The following NCOA3 variants were observed in gnomAD, a reference collection of about 807,000 sequenced individuals.
The protein encoded by NCOA3 is CBP-interacting protein.
A neutral mutation model predicts 158.8 loss-of-function variants in NCOA3; 51 were observed. That is an observed-to-expected ratio of 0.32 (90% CI 0.26 to 0.41). NCOA3 has a LOEUF of 0.41. NCOA3 is among the 10% of genes least tolerant of loss of function. The pLI is 1.00. For synonymous variants in NCOA3, 537 were observed against 592.4 expected (o/e 0.91, Z 1.36); for missense variants, 1,510 against 1,746.6 (o/e 0.86, Z 2.41).
chr20:47,516,055 A>G (rs1403772342), intron 1 of NCOA3, among the ~76,000 whole-genome samples: 1 of 152,226 alleles, frequency 6.6e-6, no homozygotes, highest in Non-Finnish European at 1.5e-5. Flanking sequence ...ATGAGTAGAC[A>G]GAGCACAGTA....
chr20:47,573,404 AAAAC>A (rs201319566), intron 1 of NCOA3, among the ~76,000 whole-genome samples: 3,650 of 148,596 alleles, frequency 0.025, 171 homozygotes, highest in African/African-American at 0.089. Context: ...TTGTCTCCAA[AAAAC>A]AAACAAACAA....
At chr20:47,552,350 T>C (rs975814521) in intron 1 of NCOA3, among the ~76,000 whole-genome samples, 32 of 152,188 alleles carry the variant, frequency 2.1e-4, no homozygotes, top group Admixed American at 1.5e-3. Context: ...CTTTAAAAAA[T>C]GCAGCAGCGT....
chr20:47,503,973 A>T (rs566620507), intron 1 of NCOA3, among the ~76,000 whole-genome samples: 1 of 152,330 alleles, frequency 6.6e-6, no homozygotes, highest in South Asian at 2.1e-4. Flanking sequence ...CTTTTGGCAT[A>T]TAGAAGATGG....
At chr20:47,503,193 A>C (rs1490831044) in intron 1 of NCOA3, among the ~76,000 whole-genome samples, 1 of 152,154 alleles carries the variant, frequency 6.6e-6, no homozygotes, top group East Asian at 1.9e-4. Flanking sequence ...CCTCGGATCC[A>C]CCTAACTGAT....
At chr20:47,569,838 G>A (rs1200982261) in intron 1 of NCOA3, among the ~76,000 whole-genome samples, 3 of 151,634 alleles carry the variant, frequency 2.0e-5, no homozygotes, top group Admixed American at 6.6e-5. Flanking sequence ...GTGAAACCCC[G>A]TCTCTACTAA....
chr20:47,529,336 C>G (rs931424544), intron 1 of NCOA3, among the ~76,000 whole-genome samples: 2 of 151,930 alleles, frequency 1.3e-5, no homozygotes, highest in African/African-American at 4.8e-5. Flanking sequence ...CCAGGCTGGT[C>G]TCTAACTCCT....
chr20:47,573,621 A>G (rs1434970228), intron 1 of NCOA3, among the ~76,000 whole-genome samples: 1 of 152,228 alleles, frequency 6.6e-6, no homozygotes, highest in Non-Finnish European at 1.5e-5. Context: ...GTAAAGCACA[A>G]TAAAATGAGG....
At chr20:47,538,631 G>A (rs1276837025) in intron 1 of NCOA3, among the ~76,000 whole-genome samples, 9 of 151,792 alleles carry the variant, frequency 5.9e-5, no homozygotes, top group Non-Finnish European at 1.0e-4. Flanking sequence ...TCTGCCTCCC[G>A]GGTTCAAGTA....
intron 2 of NCOA3, among the ~76,000 whole-genome samples, chr20:47,621,048 C>T (rs958748638): frequency 6.6e-6 from 1 of 152,058 alleles, no homozygotes; most frequent in African/African-American, 2.4e-5. Context: ...TTTTTCTGTC[C>T]TTCATTTAAA....
Position 47,593,374 on chromosome 20 carries a change from G to A in NCOA3, c.-20+10113G>A, listed in dbSNP as rs138885577. 5.7e-4 allele frequency among the ~76,000 whole-genome samples: 60 copies of A among 104,664 alleles called. No homozygotes were observed. In the East Asian group the frequency reaches 0.011, roughly 19 times the overall value. 68.7% of individuals were successfully genotyped at this position (104,664 alleles called of 152,430 possible). On this transcript the variant is annotated intron_variant, in intron 2 of 22. Transcript: ENST00000371998. Reference sequence around the variant, plus strand: ...TTTTTTTTTTTTTTGAGACAGTCTCGCTCTGTTGCCCAGGCTGGAGTGCAG... The same window carrying A: ...TTTTTTTTTTTTTTGAGACAGTCTCACTCTGTTGCCCAGGCTGGAGTGCAG...
intron 2 of NCOA3, among the ~76,000 whole-genome samples, chr20:47,602,187 C>A (rs932675197): frequency 6.6e-6 from 1 of 152,144 alleles, no homozygotes; most frequent in Admixed American, 6.5e-5. Context: ...TTCCAGATAG[C>A]CCTTTTGTTA....
chr20:47,578,912 G>A (rs1302058050), intron 1 of NCOA3, among the ~76,000 whole-genome samples: 1 of 152,146 alleles, frequency 6.6e-6, no homozygotes, highest in Non-Finnish European at 1.5e-5. Flanking sequence ...ATGTTCAACA[G>A]TAAAAGAAAA....
chr20:47,639,904 G>C (rs1453470019), intron 15 of NCOA3, 21 bp from the exon 16 acceptor site: 1 of 1,613,596 alleles, frequency 6.2e-7, no homozygotes, highest in Non-Finnish European at 8.5e-7. Flanking sequence ...GAGAATTTGT[G>C]CTTTCTTTTT....
At chr20:47,633,678 T>TTAGAGACA in intron 9 of NCOA3, 42 bp downstream of exon 9, 1 of 1,590,126 alleles carries the variant, frequency 6.3e-7, no homozygotes, top group Non-Finnish European at 8.6e-7. Context: ...ATTTTATTCT[T>TTAGAGACA]TAGAGACAGG....
intron 1 of NCOA3, among the ~76,000 whole-genome samples, chr20:47,570,181 G>A (rs2085269206): frequency 6.6e-6 from 1 of 152,172 alleles, no homozygotes; most frequent in Admixed American, 6.5e-5. Flanking sequence ...CCTTAAGGCT[G>A]GGTGTGGTGG....
At chr20:47,526,151 T>A (rs1378197211) in intron 1 of NCOA3, among the ~76,000 whole-genome samples, 20 of 143,194 alleles carry the variant, frequency 1.4e-4, no homozygotes, top group African/African-American at 5.3e-4. Context: ...GCTCCCCACA[T>A]CTCAGACGAT....
chr20:47,545,728 A>G (rs1414993661), intron 1 of NCOA3, among the ~76,000 whole-genome samples: 1 of 150,904 alleles, frequency 6.6e-6, no homozygotes, highest in Non-Finnish European at 1.5e-5. Flanking sequence ...TGTGATATAT[A>G]TATGGAGACA....
At chr20:47,600,916 G>T (rs904862793) in intron 2 of NCOA3, among the ~76,000 whole-genome samples, 2 of 151,964 alleles carry the variant, frequency 1.3e-5, no homozygotes, top group African/African-American at 4.8e-5. Flanking sequence ...TTAAGTATAG[G>T]TCACATACTA....
intron 1 of NCOA3, among the ~76,000 whole-genome samples, chr20:47,553,361 CG>C (rs894311446): frequency 1.3e-5 from 2 of 151,732 alleles, no homozygotes; most frequent in Non-Finnish European, 2.9e-5. Context: ...TTGCAGTGTC[CG>C]ATCAAGATAC....
Sources: allele counts gnomAD v4.1 joint callset (sites outside exome capture counted in the v4.1 genomes callset), GRCh38; gene constraint gnomAD v4.1.1; transcripts MANE v1.5; gene names NCBI Gene and HGNC (gene_info 2026-07-23, HGNC 2026-07-21).